Variants in AAK1 observed in about 807,000 individuals in gnomAD.
AAK1 encodes AP2-associated protein kinase 1.
AAK1 carries 37 observed loss-of-function variants against 116.0 expected under a neutral mutation model. The ratio of observed to expected loss-of-function variants is 0.32; its 90% confidence interval spans 0.25 to 0.42. The LOEUF (loss-of-function observed/expected upper bound fraction) is 0.42, where lower values mean the gene tolerates loss of function less well. Ranked by LOEUF, AAK1 falls within the 10% of genes least tolerant of loss-of-function variation. The pLI is 1.00. For missense variants in AAK1, 919 were observed against 1,170.6 expected, an observed-to-expected ratio of 0.79 and a Z score of 3.14; for synonymous variants, 458 against 439.9, an observed-to-expected ratio of 1.04 and a Z score of -0.51.
chr2:69,628,782 T>G (rs1675030389), intron 2 of AAK1, among the ~76,000 whole-genome samples: 2 of 152,188 alleles, frequency 1.3e-5, no homozygotes, highest in South Asian at 4.1e-4. Flanking sequence ...TCATCATTGG[T>G]GAGCGAGCCA....
At chr2:69,591,320 C>T (rs1444340812) in intron 2 of AAK1, among the ~76,000 whole-genome samples, 2 of 152,110 alleles carry the variant, frequency 1.3e-5, no homozygotes, top group Non-Finnish European at 2.9e-5. Flanking sequence ...TACTGACCAA[C>T]ACCACTGTGA....
intron 2 of AAK1, among the ~76,000 whole-genome samples, chr2:69,587,477 A>AT (rs1235173550): frequency 5.1e-4 from 75 of 145,706 alleles, no homozygotes; most frequent in South Asian, 1.3e-3. Flanking sequence ...ATATATATAT[A>AT]TTTTTTTGAT....
intron 17 of AAK1, among the ~76,000 whole-genome samples, chr2:69,491,079 G>T (rs1293450906): frequency 6.6e-6 from 1 of 151,884 alleles, no homozygotes; most frequent in Non-Finnish European, 1.5e-5. Flanking sequence ...TAGGACTACA[G>T]GCATGCAGCA....
Position 69,520,844 on chromosome 2 carries a change from A to G in AAK1, c.1200T>C (p.Pro400=). 6.4e-7 allele frequency: 1 copy of G among 1,551,532 alleles called. No individual in the cohort carries two copies. The highest frequency in any genetic ancestry group is 8.7e-7 in the Non-Finnish European group (1 of 1,155,598). Residue 400 remains proline (P), a synonymous_variant, in exon 11 of 22, where the codon CCT becomes CCC. Transcript: ENST00000409085. ...AATCTAGATACAAACCTGCAGCCTG[A>G]GGTGGGGGCTGAACAGTGGCCCTCT... ...PRKRATVQPP[P]QAAGSSNQPG...
At chr2:69,490,686 T>C (rs1377118794) in intron 17 of AAK1, among the ~76,000 whole-genome samples, 7 of 152,122 alleles carry the variant, frequency 4.6e-5, no homozygotes, top group African/African-American at 1.7e-4. Context: ...TGTTGTTTAA[T>C]GGGTACAGAG....
At chr2:69,562,762 C>T (rs943634718) in intron 2 of AAK1, among the ~76,000 whole-genome samples, 8 of 152,086 alleles carry the variant, frequency 5.3e-5, no homozygotes, top group Non-Finnish European at 1.0e-4. Flanking sequence ...TGGTGGTGTG[C>T]GCCTGTAGTC....
At chr2:69,523,423 CTT>C (rs1325821330) in intron 10 of AAK1, among the ~76,000 whole-genome samples, 65 of 152,324 alleles carry the variant, frequency 4.3e-4, no homozygotes, top group African/African-American at 1.5e-3. Context: ...TCTAAAATAA[CTT>C]CATGTACACA....
chr2:69,537,493 C>T (rs537320926), intron 5 of AAK1, among the ~76,000 whole-genome samples: 12 of 152,334 alleles, frequency 7.9e-5, no homozygotes, highest in African/African-American at 2.4e-4. Context: ...CTGGCCCGTG[C>T]TCTTTCCCTC....
At chr2:69,637,025 A>C (rs911201617) in intron 2 of AAK1, among the ~76,000 whole-genome samples, 5 of 152,182 alleles carry the variant, frequency 3.3e-5, no homozygotes, top group African/African-American at 1.2e-4. Flanking sequence ...AAATAGCCAT[A>C]TGTGGCTAGT....
At chr2:69,576,191 T>G (rs1372262343) in intron 2 of AAK1, among the ~76,000 whole-genome samples, 4 of 152,198 alleles carry the variant, frequency 2.6e-5, no homozygotes, top group African/African-American at 4.8e-5. Context: ...CCAATGACTT[T>G]CTGGGATTAA....
intron 2 of AAK1, among the ~76,000 whole-genome samples, chr2:69,624,638 C>T (rs370096232): frequency 2.0e-5 from 3 of 152,262 alleles, no homozygotes; most frequent in East Asian, 3.9e-4. Flanking sequence ...TTCTTGATTG[C>T]TTTCTTCCAT....
chr2:69,510,971 AT>A (rs1444194305), intron 13 of AAK1, among the ~76,000 whole-genome samples: 2 of 152,234 alleles, frequency 1.3e-5, no homozygotes, highest in African/African-American at 4.8e-5. Flanking sequence ...CGGTGAGAAT[AT>A]CCTTGTGACC....
intron 17 of AAK1, among the ~76,000 whole-genome samples, chr2:69,495,655 AT>A (rs2104932697): frequency 6.6e-6 from 1 of 152,256 alleles, no homozygotes; most frequent in East Asian, 1.9e-4. Flanking sequence ...CCTCCCCACC[AT>A]TGTTAAAATC....
chr2:69,636,270 T>C (rs2105267898), intron 2 of AAK1, among the ~76,000 whole-genome samples: 1 of 152,316 alleles, frequency 6.6e-6, no homozygotes, highest in South Asian at 2.1e-4. Context: ...CTGTCATATC[T>C]ATTCCTGGCA....
chr2:69,488,016 C>G (rs1351841182), intron 17 of AAK1, among the ~76,000 whole-genome samples: 2 of 152,004 alleles, frequency 1.3e-5, no homozygotes, highest in African/African-American at 4.8e-5. Context: ...GTCTCAAACT[C>G]CTGACCTCAG....
intron 3 of AAK1, among the ~76,000 whole-genome samples, chr2:69,544,811 T>C (rs758883327): frequency 3.3e-5 from 5 of 152,178 alleles, no homozygotes; most frequent in Non-Finnish European, 5.9e-5. Context: ...CCTACTTGCT[T>C]ACTGCATCAA....
intron 13 of AAK1, among the ~76,000 whole-genome samples, chr2:69,512,737 A>G (rs570132032): frequency 6.6e-6 from 1 of 152,312 alleles, no homozygotes; most frequent in African/African-American, 2.4e-5. Context: ...CCCAGAGCAA[A>G]GTGTTCAAAG....
chr2:69,564,011 G>T (rs533652996), intron 2 of AAK1, among the ~76,000 whole-genome samples: 26 of 152,212 alleles, frequency 1.7e-4, no homozygotes, highest in Non-Finnish European at 3.4e-4. Flanking sequence ...AGCTAACATG[G>T]TGAAACCCTG....
chr2:69,466,235 T>C lies in AAK1; in HGVS notation c.*9634A>G. The C allele has an allele frequency of 7.8e-7, 1 of 1,289,768 alleles. No homozygotes were observed. Among genetic ancestry groups the C allele is most frequent in the Non-Finnish European group, 1.0e-6 (1 of 988,864 alleles). The allele number at this position is 1,289,768 out of a possible 1,614,324, so 79.9% of individuals were successfully genotyped here. On this transcript the variant is annotated 3_prime_UTR_variant, in exon 22 of 22. Coordinates refer to ENST00000409085, the MANE Select transcript of AAK1 (RefSeq NM_014911.5). ...CAGGAGAGACTTCTGGTGGAGCGAA[T>C]GGAACGGCTCCTCCCAGCTTCCCCG...
Sources: gnomAD v4.1 joint callset for allele counts (sites outside exome capture counted in the v4.1 genomes callset) on GRCh38, gnomAD v4.1.1 for gene constraint, MANE v1.5 for transcripts, NCBI Gene and HGNC (gene_info 2026-07-23, HGNC 2026-07-21) for gene names.